Variants in VCAM1 observed in about 807,000 individuals in gnomAD.
VCAM1 encodes vascular cell adhesion protein 1.
VCAM1 carries 41 observed loss-of-function variants against 63.8 expected under a neutral mutation model. That is an observed-to-expected ratio of 0.64 (90% confidence interval 0.50 to 0.83). The LOEUF is 0.83. VCAM1 is among the 40% of genes least tolerant of loss of function. The pLI is 0.00. For missense variants in VCAM1, 798 were observed against 875.5 expected (o/e 0.91, Z 1.12); for synonymous variants, 338 against 320.7 (o/e 1.05, Z -0.58).
chr1:100,734,899 A>G, intron 8 of VCAM1, 131 bp downstream of exon 8: 1 of 1,168,584 alleles, frequency 8.6e-7, no homozygotes, highest in South Asian at 1.6e-5. Context: ...ATTCTTGGAA[A>G]AATCAAGCAC....
chr1:100,737,929 C>A, intron 8 of VCAM1, 194 bp from the exon 9 acceptor site: 1 of 544,806 alleles, frequency 1.8e-6, no homozygotes. Context: ...CCATCATGAC[C>A]ATAGCAACCA....
intron 8 of VCAM1, chr1:100,737,401 G>A (rs1660695605): frequency 1.3e-5 from 2 of 152,016 alleles, no homozygotes; most frequent in Non-Finnish European, 2.9e-5. Context: ...AAAACGAGTG[G>A]GTTTTGAAAA....
chr1:100,727,879 A>G (rs1176446867), intron 4 of VCAM1, among the ~76,000 whole-genome samples: 2 of 152,164 alleles, frequency 1.3e-5, no homozygotes, highest in African/African-American at 2.4e-5. Context: ...TCATAATTAG[A>G]CAAACCTATT....
chr1:100,725,751 A>G (rs1412285398), intron 4 of VCAM1, among the ~76,000 whole-genome samples: 1 of 151,890 alleles, frequency 6.6e-6, no homozygotes, highest in East Asian at 1.9e-4. Flanking sequence ...TTTTATAGCT[A>G]ATTGTCTTTA....
intron 2 of VCAM1, among the ~76,000 whole-genome samples, chr1:100,721,087 G>C (rs996061737): frequency 6.6e-6 from 1 of 151,954 alleles, no homozygotes; most frequent in East Asian, 1.9e-4. Flanking sequence ...ATCCTTACAT[G>C]TTTACTTGCT....
In VCAM1 at chr1:100,720,672, T is replaced by C. The variant is rs1248457207; in HGVS notation, c.261T>C (p.Phe87=). ...TSTLTMNPVS[F]GNEHSYLCTA... is the part of the protein sequence containing the mutation. ...CGCTGACAATGAATCCTGTTAGTTT[T>C]GGGAACGAACACTCTTACCTGTGCA... The change falls in exon 2 of 9, where the codon TTT becomes TTC. Residue 87 remains phenylalanine, a synonymous_variant. Coordinates refer to ENST00000294728, the MANE Select transcript of VCAM1 (RefSeq NM_001078.4). The C allele has an allele frequency of 1.9e-6, 3 of 1,613,286 alleles. No individual in the cohort carries two copies. Among genetic ancestry groups the C allele is most frequent in the Non-Finnish European group, 2.5e-6 (3 of 1,179,518 alleles).
chr1:100,733,267 G>T (rs1462625691), intron 7 of VCAM1, among the ~76,000 whole-genome samples: 3 of 152,154 alleles, frequency 2.0e-5, no homozygotes, highest in Non-Finnish European at 4.4e-5. Context: ...ACAATTATTA[G>T]TTCGCAGGTT....
intron 4 of VCAM1, among the ~76,000 whole-genome samples, chr1:100,726,360 C>T (rs1449851867): frequency 6.6e-6 from 1 of 152,016 alleles, no homozygotes; most frequent in Non-Finnish European, 1.5e-5. Context: ...GGTTTATTAC[C>T]TTAAACAAAA....
At chr1:100,732,910 G>A (rs1213123838) in intron 7 of VCAM1, among the ~76,000 whole-genome samples, 1 of 152,186 alleles carries the variant, frequency 6.6e-6, no homozygotes, top group East Asian at 1.9e-4. Flanking sequence ...CAAGTGAAAT[G>A]CAAGCCTTCA....
chr1:100,724,643 T>C lies in VCAM1; in HGVS notation c.681T>C (p.Val227=), dbSNP rs1660095122. 6.2e-7 allele frequency: 1 copy of C among 1,612,702 alleles called. No homozygotes were observed. The highest frequency in any genetic ancestry group is 8.5e-7 in the Non-Finnish European group (1 of 1,179,262). Residue 227 remains valine, a synonymous_variant, in exon 4 of 9, where the codon GTT becomes GTC. Transcript: ENST00000294728. The part of the protein sequence containing the change: ...LQVYISPKNT[V]ISVNPSTKLQ... ...TTTCAGTATCACCCAAGAATACAGT[T>C]ATTTCTGTGAATCCATCCACAAAGC... is the stretch of plus-strand genomic sequence containing the variant.
chr1:100,723,081 A>G lies in VCAM1; in HGVS notation c.402A>G (p.Thr134=). The change falls in exon 3 of 9, where the codon ACA becomes ACG. Residue 134 remains threonine, a synonymous_variant. Transcript: ENST00000294728. Reference sequence around the variant, plus strand: ...CTCTGGAGGCTGGGAAGCCGATCACAGTCAAGTGTTCAGTTGCTGATGTAT... The same window carrying G: ...CTCTGGAGGCTGGGAAGCCGATCACGGTCAAGTGTTCAGTTGCTGATGTAT... The part of the protein sequence containing the change: ...SGPLEAGKPI[T]VKCSVADVYP... 2.5e-6 allele frequency: 4 copies of G among 1,612,962 alleles called. No individual in the cohort carries two copies. The highest frequency in any genetic ancestry group is 3.4e-6 in the Non-Finnish European group (4 of 1,179,392).
chr1:100,729,662 T>C (rs1224703215), intron 5 of VCAM1, among the ~76,000 whole-genome samples: 1 of 152,026 alleles, frequency 6.6e-6, no homozygotes, highest in Non-Finnish European at 1.5e-5. Flanking sequence ...TGGAGGTGAG[T>C]GCATTGGGGT....
In VCAM1 at chr1:100,732,576, G is replaced by A; in HGVS notation, c.1684G>A (p.Ala562Thr). ...GGAGCTACAGCCTCTTTCTGAGAAT[G>A]CAACTCTCACCTTAATTTCTACAAA... ...NGELQPLSEN[A>T]TLTLISTKME... Residue 562 changes from alanine to threonine, a missense_variant, in exon 7 of 9, where the codon GCA becomes ACA. Coordinates refer to ENST00000294728, the MANE Select transcript of VCAM1 (RefSeq NM_001078.4). The A allele has an allele frequency of 6.2e-7, 1 of 1,613,362 alleles. No individual in the cohort carries two copies.
intron 1 of VCAM1, 144 bp from the exon 2 acceptor site, chr1:100,720,332 C>T: frequency 8.7e-7 from 1 of 1,145,626 alleles, no homozygotes; most frequent in South Asian, 1.7e-5. Context: ...GACTTCGGTG[C>T]TTTTTGGCTA....
intron 2 of VCAM1, among the ~76,000 whole-genome samples, chr1:100,721,984 A>G (rs560060489): frequency 6.6e-6 from 1 of 152,230 alleles, no homozygotes; most frequent in Non-Finnish European, 1.5e-5. Context: ...GATTTAAGAA[A>G]GAGAAATGAA....
chr1:100,732,207 C>G (rs1389182172), intron 6 of VCAM1, among the ~76,000 whole-genome samples: 3 of 152,154 alleles, frequency 2.0e-5, no homozygotes, highest in African/African-American at 7.2e-5. Context: ...GAACTTACTT[C>G]CATTAGAAAA....
At position 100,734,636 on chromosome 1, in the gene VCAM1, GAC is replaced by G; in HGVS notation, c.1931_1932del (p.Thr644SerfsTer23). The G allele has an allele frequency of 6.2e-7, 1 of 1,613,994 alleles. No individual in the cohort carries two copies. On this transcript the variant is annotated frameshift_variant, in exon 8 of 9. Transcript: ENST00000294728. LOFTEE classifies it high-confidence loss of function. ...IILKKKAETG[D>X]TVLKSIDGAY... ...CCTGAAGAAAAAAGCGGAGACAGGA[GAC>G]ACAGTACTAAAATCTATAGATGGCG...
In VCAM1 at chr1:100,731,875, C is replaced by G. The variant is rs1660474329; in HGVS notation, c.1525+357C>G. ...GGAGCCATATCTTGGATGACTTGGC[C>G]TCTCTTTCTTTATGTGGTGTCACCC... On this transcript the variant is annotated intron_variant, in intron 6 of 8. Transcript: ENST00000294728. The surrounding 1 kb of genome is among the most constrained non-coding windows in gnomAD (Gnocchi z 4.2). 6.6e-6 allele frequency among the ~76,000 whole-genome samples: 1 copy of G among 152,128 alleles called. No individual in the cohort carries two copies.
chr1:100,736,915 G>A (rs1461585020), intron 8 of VCAM1: 2 of 152,144 alleles, frequency 1.3e-5, no homozygotes, highest in Non-Finnish European at 2.9e-5. Context: ...GTTTCTGCCA[G>A]GACTGAGACA....
Sources: gnomAD v4.1 joint callset for allele counts (sites outside exome capture counted in the v4.1 genomes callset) on GRCh38, gnomAD v4.1.1 for gene constraint, Gnocchi (gnomAD v3.1) non-coding constraint, MANE v1.5 for transcripts, NCBI Gene and HGNC (gene_info 2026-07-23, HGNC 2026-07-21) for gene names.